ENTREP2: variants seen among roughly 807,000 people sequenced by gnomAD.
ENTREP2 encodes the protein protein ENTREP2.
the ENTREP2 span, among the ~76,000 whole-genome samples, chr15:29,140,856 T>C: frequency 1.3e-5 from 2 of 152,202 alleles, no homozygotes; most frequent in African/African-American, 4.8e-5. Flanking sequence ...TTTGCCCTGA[T>C]CTGTAACTGT....
At chr15:29,514,999 C>T in the ENTREP2 span, among the ~76,000 whole-genome samples, 917 of 152,294 alleles carry the variant, frequency 6.0e-3, 4 homozygotes, top group African/African-American at 0.021. Context: ...AAGAACGGCC[C>T]CTTGATGGAA....
chr15:29,462,536 G>A, the ENTREP2 span, among the ~76,000 whole-genome samples: 23 of 152,242 alleles, frequency 1.5e-4, no homozygotes, highest in South Asian at 4.1e-4. Flanking sequence ...CTTGAACCCA[G>A]GAGGTGGAGG....
the ENTREP2 span, among the ~76,000 whole-genome samples, chr15:29,471,845 C>A: frequency 2.0e-5 from 3 of 152,186 alleles, no homozygotes; most frequent in African/African-American, 7.2e-5. Context: ...CTGCAGGCAG[C>A]CCACATGCAC....
At chr15:29,592,383 C>T in the ENTREP2 span, among the ~76,000 whole-genome samples, 121,090 of 152,184 alleles carry the variant, frequency 0.8, 48,672 homozygotes, top group Non-Finnish European at 0.86. Context: ...CGTATTGGCT[C>T]ATGGCTCTGG....
the ENTREP2 span, among the ~76,000 whole-genome samples, chr15:29,133,207 A>T: frequency 6.7e-6 from 1 of 149,140 alleles, no homozygotes; most frequent in Admixed American, 6.7e-5. Context: ...TAACCTCCTC[A>T]AGGTCCTAGA....
chr15:29,167,296 A>G, the ENTREP2 span, among the ~76,000 whole-genome samples: 22 of 152,338 alleles, frequency 1.4e-4, no homozygotes, highest in Admixed American at 1.4e-3. Context: ...AAGCAAATAC[A>G]ATAAAAACAA....
the ENTREP2 span, among the ~76,000 whole-genome samples, chr15:29,663,701 C>T: frequency 3.3e-5 from 5 of 151,876 alleles, no homozygotes; most frequent in Admixed American, 3.3e-4. Context: ...CATCACACCC[C>T]GCGGCCTGTT....
chr15:29,239,504 G>A, the ENTREP2 span, among the ~76,000 whole-genome samples: 1 of 152,142 alleles, frequency 6.6e-6, no homozygotes, highest in Non-Finnish European at 1.5e-5. Flanking sequence ...TTAATTTGGG[G>A]GGGACATAGG....
chr15:29,278,185 G>C, the ENTREP2 span, among the ~76,000 whole-genome samples: 1 of 152,060 alleles, frequency 6.6e-6, no homozygotes. Flanking sequence ...AGGACTGGAG[G>C]GTAATCAGAG....
chr15:29,151,847 AG>A, the ENTREP2 span: 9 of 1,546,524 alleles, frequency 5.8e-6, no homozygotes, highest in Non-Finnish European at 7.9e-6. Context: ...AGATCCTGCG[AG>A]GAAAGGTGCA....
chr15:29,224,298 G>A, the ENTREP2 span, among the ~76,000 whole-genome samples: 1 of 152,148 alleles, frequency 6.6e-6, no homozygotes, highest in African/African-American at 2.4e-5. Context: ...GAGTGTTACA[G>A]GTGATAAAGG....
the ENTREP2 span, among the ~76,000 whole-genome samples, chr15:29,144,018 G>A: frequency 4.7e-3 from 716 of 152,266 alleles, 4 homozygotes; most frequent in African/African-American, 0.016. Context: ...TTAAACCACC[G>A]CAGGAAAACC....
chr15:29,376,026 T>C, the ENTREP2 span: 3 of 152,240 alleles, frequency 2.0e-5, no homozygotes, highest in African/African-American at 7.2e-5. Flanking sequence ...AAACACATTA[T>C]TGGATCTATA....
At chr15:29,149,631 T>A in the ENTREP2 span, among the ~76,000 whole-genome samples, 4 of 152,152 alleles carry the variant, frequency 2.6e-5, no homozygotes, top group African/African-American at 9.7e-5. Flanking sequence ...GGCACACGCT[T>A]CATCTTTAGA....
chr15:29,177,184 G>A, the ENTREP2 span, among the ~76,000 whole-genome samples: 3 of 152,200 alleles, frequency 2.0e-5, no homozygotes, highest in Admixed American at 2.0e-4. Context: ...GGGAGCGGCT[G>A]GGGGAGGATG....
chr15:29,361,368 G>C, the ENTREP2 span, among the ~76,000 whole-genome samples: 1 of 152,118 alleles, frequency 6.6e-6, no homozygotes, highest in Non-Finnish European at 1.5e-5. Context: ...GTGAATACTT[G>C]TCTTGGGCCA....
At chr15:29,549,894 G>A in the ENTREP2 span, among the ~76,000 whole-genome samples, 1 of 152,190 alleles carries the variant, frequency 6.6e-6, no homozygotes, top group East Asian at 1.9e-4. Flanking sequence ...TCAAGACAGT[G>A]AGATTCAATG....
chr15:29,508,369 A>AAAAGAGGGACTCCTCCCT, the ENTREP2 span, among the ~76,000 whole-genome samples: 1 of 152,224 alleles, frequency 6.6e-6, no homozygotes, highest in Non-Finnish European at 1.5e-5. Flanking sequence ...AAACAACAGA[A>AAAAGAGGGACTCCTCCCT]AAAGAGGGAC....
At chr15:29,657,494 G>GGGGGCCA in the ENTREP2 span, among the ~76,000 whole-genome samples, 1 of 128,590 alleles carries the variant, frequency 7.8e-6, no homozygotes, top group Non-Finnish European at 1.7e-5. Context: ...GGGGGGGGGG[G>GGGGGCCA]GTGGCCAGCT....
Sources: allele counts gnomAD v4.1 joint callset (sites outside exome capture counted in the v4.1 genomes callset), GRCh38; gene constraint gnomAD v4.1.1; transcripts MANE v1.5; gene names NCBI Gene and HGNC (gene_info 2026-07-23, HGNC 2026-07-21).